The following HYAL1 variants were observed in gnomAD, a reference collection of about 807,000 sequenced individuals.
The protein encoded by HYAL1 is hyaluronidase 1, also known as hyaluronidase-1.
Under a neutral mutation model 28.8 loss-of-function variants are expected in HYAL1, and 21 were observed. The observed-to-expected ratio is 0.73, with a 90% CI of 0.52 to 1.05. The LOEUF is 1.05. Ranked by LOEUF, HYAL1 falls within the 50% of genes least tolerant of loss-of-function variation. The probability of loss-of-function intolerance (pLI) is 0.00; values close to 1 mark genes in which losing one functional copy is unlikely to be tolerated. For missense variants in HYAL1, 491 were observed against 579.2 expected, an observed-to-expected ratio of 0.85 and a Z score of 1.56; for synonymous variants, 200 against 230.1, an observed-to-expected ratio of 0.87 and a Z score of 1.18.
chr3:50,301,343 C>T (rs587666402), intron 2 of HYAL1, among the ~76,000 whole-genome samples: 123 of 152,332 alleles, frequency 8.1e-4, no homozygotes, highest in African/African-American at 2.9e-3. Context: ...GCGCCAGGCG[C>T]GGTGGCTCAT....
chr3:50,309,614 T>G (rs1480522073), intron 2 of HYAL1: 3 of 151,360 alleles, frequency 2.0e-5, no homozygotes, highest in Non-Finnish European at 4.4e-5. Flanking sequence ...TTGGGAAAAC[T>G]GGCCTCACAT....
In HYAL1 at chr3:50,302,717, GCC is replaced by G. The variant is rs782636282; in HGVS notation, c.238_239del (p.Gly80HisfsTer41). The G allele has an allele frequency of 5.0e-6, 8 of 1,613,930 alleles. No individual in the cohort carries two copies. The Admixed American group carries it at 1.0e-4, about 20-fold the overall frequency. ...CAGTGGGCGTGTAGTAGGGGTAGGT[GCC>G]CAGCTGGGAGCTATAGAAAATTGTC... Reference protein sequence around the residue: ...DMTIFYSSQLGTYPYYTPTGE... With the variant: ...DMTIFYSSQLXTYPYYTPTGE... On this transcript the variant is annotated frameshift_variant, in exon 2 of 4. Coordinates refer to ENST00000395144, the MANE Select transcript of HYAL1 (RefSeq NM_033159.4). LOFTEE classifies it high-confidence loss of function. This position sits in a 1 kb window ranked among gnomAD's most constrained non-coding sequence, Gnocchi z 5.0.
chr3:50,300,758 C>T lies in HYAL1; in HGVS notation c.1033G>A (p.Gly345Arg), dbSNP rs782732747. The change falls in exon 4 of 4, where the codon GGG (glycine) becomes AGG (arginine). Residue 345 changes from glycine to arginine, a missense_variant. Coordinates refer to ENST00000395144, the MANE Select transcript of HYAL1 (RefSeq NM_033159.4). Reference sequence around the variant, plus strand: ...CTGGTCACGTTCAGGATGAAGGGCCCCAGTGTAGTGTCCATATACTCCTTG... The same window carrying T: ...CTGGTCACGTTCAGGATGAAGGGCCTCAGTGTAGTGTCCATATACTCCTTG... Reference protein sequence around the residue: ...AIKEYMDTTLGPFILNVTSGA... With the variant: ...AIKEYMDTTLRPFILNVTSGA... 1.2e-6 allele frequency: 2 copies of T among 1,614,020 alleles called. No individual in the cohort carries two copies. Among genetic ancestry groups the T allele is most frequent in the South Asian group, 2.2e-5 (2 of 91,046 alleles).
Position 50,302,599 on chromosome 3 carries a change from G to A in HYAL1, c.358C>T (p.Pro120Ser), listed in dbSNP as rs781790629. The change falls in exon 2 of 4, where the codon CCT becomes TCT. Residue 120 changes from proline to serine, a missense_variant. Pro to Ser is a moderately conservative substitution (Grantham distance 74). Transcript: ENST00000395144. This position sits in a 1 kb window ranked among gnomAD's most constrained non-coding sequence, Gnocchi z 5.0. ...FQDILAAIPA[P>S]DFSGLAVIDW... ...ATGACTGCCAGCCCTGAGAAGTCAG[G>A]AGCAGGTATGGCAGCCAGGATGTCC... 1 of 1,614,126 alleles carries A rather than the reference G, an allele frequency of 6.2e-7. No individual in the cohort carries two copies.
upstream of HYAL1, among the ~76,000 whole-genome samples, chr3:50,305,099 T>C (rs752252561): frequency 6.6e-6 from 1 of 152,238 alleles, no homozygotes. Context: ...ATTGCCTCCA[T>C]TGCCTCTTTT....
At chr3:50,300,939 T>TGGGGGGGGGGGGGGGGGGGGGGGGGGG in intron 3 of HYAL1, 49 bp downstream of exon 3, 32 of 959,342 alleles carry the variant, frequency 3.3e-5, no homozygotes, top group Non-Finnish European at 5.0e-5. Flanking sequence ...GTCAGCTTAA[T>TGGGGGGGGGGGGGGGGGGGGGGGGGGG]GGCCCCACCC....
At chr3:50,310,998 A>C (rs1157874056) in intron 1 of HYAL1, among the ~76,000 whole-genome samples, 186 of 151,320 alleles carry the variant, frequency 1.2e-3, no homozygotes, top group African/African-American at 4.2e-3. Flanking sequence ...CCACGTCTAC[A>C]TCTTTCTACA....
chr3:50,310,478 GAATGGTCTC>G (rs1702423100), intron 1 of HYAL1, among the ~76,000 whole-genome samples: 1 of 150,884 alleles, frequency 6.6e-6, no homozygotes, highest in South Asian at 2.1e-4. Flanking sequence ...GTGTTAGCCA[GAATGGTCTC>G]GATCTCCTGA....
Position 50,302,556 on chromosome 3 carries a change from C to A in HYAL1, c.401G>T (p.Arg134Leu). 2 of 1,614,160 alleles carry A rather than the reference C, an allele frequency of 1.2e-6. No individual in the cohort carries two copies. Among genetic ancestry groups the A allele is most frequent in the Non-Finnish European group, 1.7e-6 (2 of 1,180,034 alleles). Residue 134 changes from arginine to leucine, a missense_variant, in exon 2 of 4, where the codon CGC (arginine) becomes CTC (leucine). Coordinates refer to ENST00000395144, the MANE Select transcript of HYAL1 (RefSeq NM_033159.4). The surrounding 1 kb of genome is among the most constrained non-coding windows in gnomAD (Gnocchi z 5.0). ...GLAVIDWEAW[R>L]PRWAFNWDTK... ...GTCCCAGTTGAAGGCCCAGCGTGGG[C>A]GCCATGCCTCCCAGTCGATGACTGC...
At position 50,300,601 on chromosome 3, in the gene HYAL1, G is replaced by A. The variant is rs200931581; in HGVS notation, c.1190C>T (p.Pro397Leu). ...TGAGAGGGCACCCCGCAGGCTCAGG[G>A]GCCCACCACCAGGCGTGAGCTGGAT... Reference protein sequence around the residue: ...FSIQLTPGGGPLSLRGALSLE... With the variant: ...FSIQLTPGGGLLSLRGALSLE... The change falls in exon 4 of 4, where the codon CCC (proline) becomes CTC (leucine). Residue 397 changes from proline (P) to leucine (L), a missense_variant. By Grantham distance (98) the Pro-to-Leu change is moderately conservative. Coordinates refer to ENST00000395144, the MANE Select transcript of HYAL1 (RefSeq NM_033159.4). 3.6e-5 allele frequency: 58 copies of A among 1,614,200 alleles called. No individual in the cohort carries two copies. Among genetic ancestry groups the A allele is most frequent in the Non-Finnish European group, 4.3e-5 (51 of 1,180,044 alleles).
exon 2 of HYAL1, chr3:50,309,741 C>A (rs111355503): frequency 6.6e-6 from 1 of 150,650 alleles, no homozygotes. Context: ...GAGGCCAACG[C>A]GGGAGGATCA....
Position 50,302,512 on chromosome 3 carries a change from G to A in HYAL1, c.445C>T (p.Gln149Ter), listed in dbSNP as rs1702209367. The A allele has an allele frequency of 6.2e-7, 1 of 1,614,208 alleles. No individual in the cohort carries two copies. Among genetic ancestry groups the A allele is most frequent in the Non-Finnish European group, 8.5e-7 (1 of 1,180,036 alleles). Residue 149 changes from glutamine to a stop codon, truncating the protein, a stop_gained, in exon 2 of 4, where the codon CAG becomes TAG. Transcript: ENST00000395144. LOFTEE classifies it high-confidence loss of function. This position sits in a 1 kb window ranked among gnomAD's most constrained non-coding sequence, Gnocchi z 5.0. ...GCCTGTACCAGTGCCCGTGAGCGCT[G>A]CCGGTAAATGTCCTTGGTGTCCCAG... ...FNWDTKDIYRQRSRALVQAQH... is the reference protein window; with the variant it reads ...FNWDTKDIYR
chr3:50,308,719 GC>G (rs1284737880), intron 2 of HYAL1, among the ~76,000 whole-genome samples: 2 of 140,256 alleles, frequency 1.4e-5, no homozygotes, highest in Admixed American at 1.5e-4. Flanking sequence ...ACAGGCATGA[GC>G]CACCGTGCCT....
chr3:50,301,924 C>G (rs1702176705), intron 2 of HYAL1, 133 bp downstream of exon 2: 3 of 966,048 alleles, frequency 3.1e-6, no homozygotes, highest in Non-Finnish European at 4.9e-6. Flanking sequence ...GCACTCCAGC[C>G]TGGGTGACAG....
At chr3:50,310,263 G>GTT (rs1221809703) in intron 1 of HYAL1, among the ~76,000 whole-genome samples, 1 of 140,560 alleles carries the variant, frequency 7.1e-6, no homozygotes, top group Non-Finnish European at 1.5e-5. Context: ...ACTAAGCTGT[G>GTT]TGTTTTTTTT....
chr3:50,311,425 G>A (rs1395409697), intron 1 of HYAL1, among the ~76,000 whole-genome samples: 7 of 141,908 alleles, frequency 4.9e-5, no homozygotes, highest in African/African-American at 1.8e-4. Flanking sequence ...CGGATGGGGC[G>A]GCTGGCCAGG....
At chr3:50,306,920 A>C (rs1008150834), upstream of HYAL1, among the ~76,000 whole-genome samples, 6 of 150,972 alleles carry the variant, frequency 4.0e-5, no homozygotes, top group Middle Eastern at 6.8e-3. Flanking sequence ...AAACACAAAA[A>C]TTATCCAGGC....
At chr3:50,307,680 GAAAA>G (rs1160592800), upstream of HYAL1, among the ~76,000 whole-genome samples, 252 of 24,884 alleles carry the variant, frequency 0.01, no homozygotes, top group African/African-American at 0.034. Context: ...GACTCCATCT[GAAAA>G]AAAAAAAAAA....
In HYAL1 at chr3:50,301,026, C is replaced by T. The variant is rs1553712745; in HGVS notation, c.952G>A (p.Val318Met). The stretch of plus-strand genomic sequence containing the variant: ...TTTTCCCAGCTCACCCAGAGCACCA[C>T]TCCAGCTGCCCCCTGGGCCGCACTC... ...GESAAQGAAG[V>M]VLWVSWENTR... Residue 318 changes from valine to methionine, a missense_variant, in exon 3 of 4, where the codon GTG (valine) becomes ATG (methionine). Coordinates refer to ENST00000395144, the MANE Select transcript of HYAL1 (RefSeq NM_033159.4). 2.5e-6 allele frequency: 4 copies of T among 1,611,492 alleles called. No homozygotes were observed. In the Admixed American group the frequency reaches 6.7e-5, roughly 27 times the overall value.
Sources: allele counts gnomAD v4.1 joint callset (sites outside exome capture counted in the v4.1 genomes callset), GRCh38; gene constraint gnomAD v4.1.1; non-coding constraint Gnocchi (gnomAD v3.1); transcripts MANE v1.5; gene names NCBI Gene and HGNC (gene_info 2026-07-23, HGNC 2026-07-21).